Variants in SORCS1 observed in about 807,000 individuals in gnomAD.
The protein encoded by SORCS1 is VPS10 domain-containing receptor SorCS1.
Under a neutral mutation model 146.1 loss-of-function variants are expected in SORCS1, and 60 were observed. That is an observed-to-expected ratio of 0.41 (90% CI 0.33 to 0.51). The LOEUF is 0.51. SORCS1 is among the 20% of genes least tolerant of loss of function. SORCS1 has a pLI of 0.21. For synonymous variants in SORCS1, 637 were observed against 584.0 expected, an observed-to-expected ratio of 1.09 and a Z score of -1.31; for missense variants, 1,352 against 1,487.6, an observed-to-expected ratio of 0.91 and a Z score of 1.50.
intron 18 of SORCS1, among the ~76,000 whole-genome samples, chr10:106,631,323 G>T (rs1169033951): frequency 6.6e-6 from 1 of 152,162 alleles, no homozygotes; most frequent in Non-Finnish European, 1.5e-5. Context: ...GCACTTACTT[G>T]AATTCCCTTC....
chr10:106,922,034 G>C (rs1242710523), intron 2 of SORCS1, among the ~76,000 whole-genome samples: 1 of 152,112 alleles, frequency 6.6e-6, no homozygotes, highest in Non-Finnish European at 1.5e-5. Flanking sequence ...AAAACATTAA[G>C]AAATATAAGA....
rs377202210 is a variant in SORCS1 at position 106,679,642 on chromosome 10, T to A, written c.1653A>T (p.Ile551=). 6.2e-7 allele frequency: 1 copy of A among 1,611,556 alleles called. No individual in the cohort carries two copies. The highest frequency in any genetic ancestry group is 1.3e-5 in the African/African-American group (1 of 74,884). The change falls in exon 11 of 26, where the codon ATA becomes ATT. Residue 551 remains isoleucine (I), a synonymous_variant. Transcript: ENST00000263054. ...IASKDTAPSI[I]VASGNIGSEL... is the part of the protein sequence containing the mutation. ...AGGTAAGCTTCTTACCTGATGCCAC[T>A]ATGATGCTTGGAGCTGTGTCTTTGC... is the stretch of plus-strand genomic sequence containing the variant.
intron 1 of SORCS1, among the ~76,000 whole-genome samples, chr10:107,013,124 G>A (rs1344403300): frequency 6.6e-6 from 1 of 152,170 alleles, no homozygotes; most frequent in Non-Finnish European, 1.5e-5. Flanking sequence ...GCTAATTAAT[G>A]TTGAATAAAT....
At chr10:106,996,303 G>A (rs1352155105) in intron 1 of SORCS1, among the ~76,000 whole-genome samples, 1 of 151,258 alleles carries the variant, frequency 6.6e-6, no homozygotes, top group African/African-American at 2.4e-5. Flanking sequence ...GGGGTCAGGG[G>A]AGTCAACTGA....
At chr10:106,875,607 A>G (rs911071955) in intron 2 of SORCS1, among the ~76,000 whole-genome samples, 2 of 152,250 alleles carry the variant, frequency 1.3e-5, no homozygotes, top group East Asian at 3.9e-4. Context: ...CCCTTTCACC[A>G]TATTCATACT....
chr10:106,989,924 G>C (rs1956697543), intron 1 of SORCS1, among the ~76,000 whole-genome samples: 1 of 151,888 alleles, frequency 6.6e-6, no homozygotes, highest in African/African-American at 2.4e-5. Flanking sequence ...ATGACCTCGA[G>C]ATCCACCTGC....
At chr10:106,908,528 C>T (rs537998633) in intron 2 of SORCS1, among the ~76,000 whole-genome samples, 1 of 152,278 alleles carries the variant, frequency 6.6e-6, no homozygotes, top group African/African-American at 2.4e-5. Context: ...GTGTGGATGA[C>T]AGAACTTTCT....
At chr10:106,866,579 A>T (rs1221931202) in intron 2 of SORCS1, among the ~76,000 whole-genome samples, 1 of 152,232 alleles carries the variant, frequency 6.6e-6, no homozygotes, top group Non-Finnish European at 1.5e-5. Flanking sequence ...ATCTGCAGCC[A>T]GAACTCAAGG....
chr10:107,102,252 A>T (rs1284830742), intron 1 of SORCS1, among the ~76,000 whole-genome samples: 4 of 152,096 alleles, frequency 2.6e-5, no homozygotes, highest in Admixed American at 6.6e-5. Flanking sequence ...GACACTGTGG[A>T]GCTGGTTCTG....
intron 1 of SORCS1, among the ~76,000 whole-genome samples, chr10:107,000,434 C>T (rs1957170810): frequency 6.8e-6 from 1 of 147,764 alleles, no homozygotes. Flanking sequence ...CCCGTCTCTA[C>T]TAAAATACAA....
At chr10:106,975,403 T>C (rs1330290992) in intron 1 of SORCS1, among the ~76,000 whole-genome samples, 1 of 152,236 alleles carries the variant, frequency 6.6e-6, no homozygotes, top group Non-Finnish European at 1.5e-5. Flanking sequence ...ACTGTGTTGG[T>C]GTCAGCATTT....
chr10:106,825,862 G>C (rs904798202), intron 3 of SORCS1, among the ~76,000 whole-genome samples: 2 of 152,072 alleles, frequency 1.3e-5, no homozygotes, highest in Non-Finnish European at 1.5e-5. Flanking sequence ...GCCAGATGCA[G>C]GTTTCCTTTG....
chr10:106,687,782 T>A (rs1852971779), intron 10 of SORCS1, among the ~76,000 whole-genome samples: 1 of 151,986 alleles, frequency 6.6e-6, no homozygotes, highest in Admixed American at 6.6e-5. Flanking sequence ...CACAAGAAAA[T>A]ACACCTACAC....
chr10:106,931,581 GA>G (rs1200727530), intron 2 of SORCS1, among the ~76,000 whole-genome samples: 11 of 152,308 alleles, frequency 7.2e-5, no homozygotes, highest in Admixed American at 2.6e-4. Flanking sequence ...TGTAACTCCT[GA>G]ACCAGAGAGC....
intron 1 of SORCS1, among the ~76,000 whole-genome samples, chr10:107,095,780 A>G (rs960547898): frequency 6.6e-6 from 1 of 152,192 alleles, no homozygotes; most frequent in Admixed American, 6.5e-5. Flanking sequence ...GGCAGAAATC[A>G]TGAGGAATAT....
At chr10:107,082,862 T>C (rs1470119476) in intron 1 of SORCS1, among the ~76,000 whole-genome samples, 2 of 151,954 alleles carry the variant, frequency 1.3e-5, no homozygotes, top group African/African-American at 2.4e-5. Flanking sequence ...AAGAAATCTG[T>C]GAAAGTCAGC....
chr10:107,173,696 A>G, the SORCS1 span, among the ~76,000 whole-genome samples: 39 of 152,218 alleles, frequency 2.6e-4, 1 homozygote, highest in African/African-American at 5.8e-4. Flanking sequence ...TCTATAATCC[A>G]TCTGGAATTT....
intron 19 of SORCS1, among the ~76,000 whole-genome samples, chr10:106,625,200 C>CTGTGTGTGTGTGTG (rs3044907): frequency 1.4e-4 from 19 of 140,036 alleles, no homozygotes; most frequent in Non-Finnish European, 2.0e-4. Flanking sequence ...TTGTGTGATT[C>CTGTGTGTGTGTGTG]TGTGTGTGTG....
rs150651305 is a variant in SORCS1, at chr10:107,154,987, T to C, written c.558+8982A>G. On this transcript the variant is annotated intron_variant, in intron 1 of 25. Transcript: ENST00000263054. ...TGCACAAGTTCACATATCTAGTGGA[T>C]AGTAGAGTCGGCAATTAACCCAATA... 1.0e-3 allele frequency among the ~76,000 whole-genome samples: 157 copies of C among 152,346 alleles called. 2 individuals carry two copies. The highest frequency in any genetic ancestry group is 3.4e-3 in the Middle Eastern group (1 of 294).
Sources: gnomAD v4.1 joint callset for allele counts (sites outside exome capture counted in the v4.1 genomes callset) on GRCh38, gnomAD v4.1.1 for gene constraint, MANE v1.5 for transcripts, NCBI Gene and HGNC (gene_info 2026-07-23, HGNC 2026-07-21) for gene names.